The following EYA1 variants were observed in gnomAD, a reference collection of about 807,000 sequenced individuals.
EYA1 encodes EYA transcriptional coactivator and phosphatase 1.
Under a neutral mutation model 82.0 loss-of-function variants are expected in EYA1, and 16 were observed. The observed-to-expected ratio is 0.20, with a 90% CI of 0.13 to 0.30. EYA1 has a LOEUF of 0.30. Ranked by LOEUF, EYA1 falls within the 10% of genes least tolerant of loss-of-function variation. The probability of loss-of-function intolerance (pLI) is 1.00; values close to 1 mark genes in which losing one functional copy is unlikely to be tolerated. For synonymous variants in EYA1, 261 were observed against 264.4 expected (o/e 0.99, Z 0.12); for missense variants, 633 against 730.7 (o/e 0.87, Z 1.54).
At chr8:71,403,125 G>A (rs1182606229) in intron 2 of EYA1, among the ~76,000 whole-genome samples, 1 of 152,158 alleles carries the variant, frequency 6.6e-6, no homozygotes, top group African/African-American at 2.4e-5. Context: ...GCATAAGACA[G>A]CATAACTGAA....
intron 2 of EYA1, among the ~76,000 whole-genome samples, chr8:71,526,082 A>G (rs1813795148): frequency 6.6e-6 from 1 of 152,140 alleles, no homozygotes; most frequent in East Asian, 1.9e-4. Context: ...CAAAGCACTT[A>G]TTGTGTGAAG....
chr8:71,315,305 G>A (rs1388379066), intron 7 of EYA1, among the ~76,000 whole-genome samples: 18 of 152,200 alleles, frequency 1.2e-4, no homozygotes, highest in Admixed American at 1.2e-3. Context: ...GTTTCTAGAT[G>A]CTAACTCTCA....
chr8:71,425,394 G>A (rs937345286), intron 2 of EYA1, among the ~76,000 whole-genome samples: 4 of 152,222 alleles, frequency 2.6e-5, no homozygotes, highest in Admixed American at 1.3e-4. Context: ...AATTTTTAAA[G>A]ATAATGTATG....
At chr8:71,428,899 T>TG (rs1805432010) in intron 2 of EYA1, among the ~76,000 whole-genome samples, 2 of 67,796 alleles carry the variant, frequency 3.0e-5, no homozygotes, top group Non-Finnish European at 6.5e-5. Context: ...ACCTTTTCCA[T>TG]ATTCCTAGGG....
chr8:71,442,764 C>G (rs1176244792), intron 2 of EYA1, among the ~76,000 whole-genome samples: 1 of 152,140 alleles, frequency 6.6e-6, no homozygotes, highest in Non-Finnish European at 1.5e-5. Flanking sequence ...AACTGAGATA[C>G]TTGAGCTTAC....
At chr8:71,265,020 A>C (rs1167371566) in intron 11 of EYA1, among the ~76,000 whole-genome samples, 1 of 152,214 alleles carries the variant, frequency 6.6e-6, no homozygotes, top group African/African-American at 2.4e-5. Context: ...CTTGGATTTG[A>C]GTCTAGATCT....
chr8:71,321,752 A>G lies in EYA1; in HGVS notation c.400T>C (p.Tyr134His). The G allele has an allele frequency of 1.9e-6, 3 of 1,614,184 alleles. No homozygotes were observed. The change falls in exon 6 of 18, where the codon TAC (tyrosine) becomes CAC (histidine). Residue 134 changes from tyrosine to histidine, a missense_variant. Coordinates refer to ENST00000340726, the MANE Select transcript of EYA1 (RefSeq NM_000503.6). Reference protein sequence around the residue: ...YATYPQPGQPYGISSYGALWA... With the variant: ...YATYPQPGQPHGISSYGALWA... ...TACTCACCATATGAGGAAATGCCGT[A>G]CGGCTGTCCTGGCTGTGGGTACGTG...
chr8:71,517,343 C>T (rs1813044747), intron 2 of EYA1, among the ~76,000 whole-genome samples: 1 of 151,928 alleles, frequency 6.6e-6, no homozygotes. Flanking sequence ...TTAAACATAT[C>T]ATGATGAATT....
intron 2 of EYA1, among the ~76,000 whole-genome samples, chr8:71,396,489 G>C (rs1829624101): frequency 6.6e-6 from 1 of 152,102 alleles, no homozygotes; most frequent in South Asian, 2.1e-4. Context: ...CTGGTATGTT[G>C]TGTCTTTGTT....
At chr8:71,211,672 T>C (rs530087481) in intron 16 of EYA1, among the ~76,000 whole-genome samples, 2 of 152,356 alleles carry the variant, frequency 1.3e-5, no homozygotes, top group African/African-American at 4.8e-5. Context: ...AGTTTTTTCT[T>C]CATATATCAA....
chr8:71,486,747 A>G (rs3924396), intron 2 of EYA1, among the ~76,000 whole-genome samples: 26,047 of 151,886 alleles, frequency 0.17, 2,313 homozygotes, highest in African/African-American at 0.19. Flanking sequence ...AGGTTCTAAG[A>G]AAGCACGTCT....
chr8:71,371,945 T>G (rs1346367210), intron 2 of EYA1, among the ~76,000 whole-genome samples: 2 of 152,070 alleles, frequency 1.3e-5, no homozygotes, highest in East Asian at 3.9e-4. Context: ...TAGAGAAGTA[T>G]AGAAAATATA....
chr8:71,467,251 A>G (rs1808846152), intron 2 of EYA1, among the ~76,000 whole-genome samples: 1 of 152,128 alleles, frequency 6.6e-6, no homozygotes, highest in Admixed American at 6.6e-5. Flanking sequence ...TGAAAAATTA[A>G]TGTGCTTTTC....
intron 1 of EYA1, among the ~76,000 whole-genome samples, chr8:71,358,901 A>G (rs939411142): frequency 6.6e-6 from 1 of 152,152 alleles, no homozygotes; most frequent in Non-Finnish European, 1.5e-5. Context: ...TAGAAAAGTG[A>G]TGTGAGGCAT....
chr8:71,356,097 G>A (rs112584558), intron 2 of EYA1, among the ~76,000 whole-genome samples: 2 of 152,106 alleles, frequency 1.3e-5, no homozygotes, highest in African/African-American at 2.4e-5. Flanking sequence ...TTGACTATGG[G>A]TATCAGTTTT....
At chr8:71,534,197 A>G (rs1814514220) in intron 2 of EYA1, among the ~76,000 whole-genome samples, 1 of 152,256 alleles carries the variant, frequency 6.6e-6, no homozygotes, top group African/African-American at 2.4e-5. Flanking sequence ...AAAAGGTGGC[A>G]GTAAGAAGTT....
intron 2 of EYA1, among the ~76,000 whole-genome samples, chr8:71,425,175 C>T (rs908126703): frequency 2.0e-5 from 3 of 147,200 alleles, no homozygotes; most frequent in East Asian, 2.0e-4. Flanking sequence ...CCCAGCTATT[C>T]GGGAGGCTGA....
At chr8:71,374,357 A>C (rs961627505) in intron 2 of EYA1, among the ~76,000 whole-genome samples, 6 of 152,184 alleles carry the variant, frequency 3.9e-5, no homozygotes, top group Non-Finnish European at 8.8e-5. Context: ...ACAGACATAC[A>C]AATGGCCAAC....
chr8:71,265,993 G>A (rs1344090360), intron 11 of EYA1, among the ~76,000 whole-genome samples: 2 of 152,180 alleles, frequency 1.3e-5, no homozygotes, highest in Admixed American at 6.5e-5. Flanking sequence ...TTACACGGAA[G>A]GTGGGACATT....
Sources: gnomAD v4.1 joint callset for allele counts (sites outside exome capture counted in the v4.1 genomes callset) on GRCh38, gnomAD v4.1.1 for gene constraint, MANE v1.5 for transcripts, NCBI Gene and HGNC (gene_info 2026-07-23, HGNC 2026-07-21) for gene names.